IL36B: variants seen among roughly 807,000 people sequenced by gnomAD.
The protein encoded by IL36B is interleukin-36 beta.
Under a neutral mutation model 19.3 loss-of-function variants are expected in IL36B, and 23 were observed. The ratio of observed to expected loss-of-function variants is 1.19; its 90% CI spans 0.86 to 1.69. The LOEUF is 1.69. Ranked by LOEUF, IL36B falls within the 40% of genes most tolerant of loss-of-function variation. IL36B has a pLI of 0.00. For synonymous variants in IL36B, 59 were observed against 59.7 expected, an observed-to-expected ratio of 0.99 and a Z score of 0.05; for missense variants, 217 against 200.5, an observed-to-expected ratio of 1.08 and a Z score of -0.50.
chr2:113,051,090 C>G (rs1172527621), intron 1 of IL36B, among the ~76,000 whole-genome samples: 2 of 152,342 alleles, frequency 1.3e-5, no homozygotes, highest in African/African-American at 2.4e-5. Context: ...GCCTCCCGAC[C>G]TAGCCTGGTG....
chr2:113,022,646 A>C lies in IL36B; in HGVS notation c.*28T>G, dbSNP rs989181285. ...GATAGCAAACCCACTCAAAGATTGT[A>C]GAGATGGGAATCTTCCTCCCCTTAT... On this transcript the variant is annotated 3_prime_UTR_variant, in exon 6 of 6. Transcript: ENST00000259213. The C allele has an allele frequency of 9.7e-6, 13 of 1,346,270 alleles. No homozygotes were observed. Among genetic ancestry groups the C allele is most frequent in the Non-Finnish European group, 1.4e-5 (13 of 936,402 alleles). 83.4% of individuals were successfully genotyped at this position (1,346,270 alleles called of 1,614,324 possible). A position where few individuals can be genotyped will look rare whatever the true frequency, so the allele number is the denominator to read the frequency against.
rs768566366 is a variant in IL36B at position 113,028,923 on chromosome 2, C to A, written c.261+16G>T. On this transcript the variant is annotated intron_variant, in intron 4 of 5. Transcript: ENST00000259213. ...CATATGACAGTACTTCTCTCGTTAG[C>A]TGCACAATCACTCACCTTAAGCTGC... 6.2e-7 allele frequency: 1 copy of A among 1,611,416 alleles called. No individual in the cohort carries two copies. Among genetic ancestry groups the A allele is most frequent in the Non-Finnish European group, 8.5e-7 (1 of 1,178,900 alleles).
chr2:113,027,755 G>A (rs1042466735), intron 4 of IL36B: 6 of 1,450,642 alleles, frequency 4.1e-6, no homozygotes, highest in Non-Finnish European at 5.4e-6. Flanking sequence ...GATGTTTGGA[G>A]GAGGAGGTGG....
chr2:113,030,679 T>C (rs760849171), intron 3 of IL36B, among the ~76,000 whole-genome samples: 11 of 152,186 alleles, frequency 7.2e-5, no homozygotes, highest in Non-Finnish European at 1.6e-4. Context: ...CTTAGAAAGC[T>C]GTGTAGGTTT....
In IL36B at chr2:113,026,200, G is replaced by GTCCT; in HGVS notation, c.290_293dup (p.Asp98GlufsTer28). ...GAATTCCAACTAGTTTCCAGCAAGT[G>GTCCT]TCCTTCCCTATGTTATCTTGGGAGC... On this transcript the variant is annotated frameshift_variant, in exon 5 of 6. Coordinates refer to ENST00000259213, the MANE Select transcript of IL36B (RefSeq NM_014438.5). LOFTEE classifies it high-confidence loss of function. The GTCCT allele has an allele frequency of 6.2e-7, 1 of 1,613,870 alleles. No individual in the cohort carries two copies. Among genetic ancestry groups the GTCCT allele is most frequent in the Non-Finnish European group, 8.5e-7 (1 of 1,179,832 alleles).
At chr2:113,046,481 T>G (rs979883081) in intron 1 of IL36B, among the ~76,000 whole-genome samples, 7 of 152,330 alleles carry the variant, frequency 4.6e-5, no homozygotes, top group Middle Eastern at 3.4e-3. Context: ...GTGTTGGGAT[T>G]ACAGGCGTGA....
intron 5 of IL36B, among the ~76,000 whole-genome samples, chr2:113,024,357 G>A (rs1475631519): frequency 2.6e-5 from 4 of 152,272 alleles, no homozygotes; most frequent in Middle Eastern, 6.8e-3. Context: ...TCCATTTATC[G>A]ATATTCTATT....
chr2:113,027,892 C>T, intron 4 of IL36B: 1 of 1,613,810 alleles, frequency 6.2e-7, no homozygotes, highest in East Asian at 2.2e-5. Flanking sequence ...CACCCACAGC[C>T]TAGGCTGGAT....
intron 1 of IL36B, among the ~76,000 whole-genome samples, chr2:113,045,922 C>A (rs1558837264): frequency 6.6e-6 from 1 of 151,986 alleles, no homozygotes; most frequent in Admixed American, 6.6e-5. Flanking sequence ...TCTGGGTTGG[C>A]TTTGATTAAT....
rs35354222 is a variant in IL36B at position 113,037,606 on chromosome 2, G to A, written c.-57-5840C>T. On this transcript the variant is annotated intron_variant, in intron 1 of 5. Transcript: ENST00000259213. ...GGAGGTTGCGGTGAGCTGAAATCAC[G>A]CCACTGCACTCCAACCTGGGCAACA... 6.9e-3 allele frequency among the ~76,000 whole-genome samples: 1,045 copies of A among 151,002 alleles called. 17 individuals carry two copies. Among genetic ancestry groups the A allele is most frequent in the African/African-American group, 0.024 (991 of 40,910 alleles).
intron 1 of IL36B, among the ~76,000 whole-genome samples, chr2:113,037,436 G>A (rs1685183623): frequency 6.6e-6 from 1 of 152,260 alleles, no homozygotes; most frequent in Non-Finnish European, 1.5e-5. Flanking sequence ...GATCACCTGA[G>A]GTTGGGAGTT....
rs774855621 is a variant in IL36B at position 113,028,957 on chromosome 2, C to T, written c.243G>A (p.Lys81=). The T allele has an allele frequency of 6.8e-6, 11 of 1,613,948 alleles. No homozygotes were observed. The highest frequency in any genetic ancestry group is 6.7e-5 in the East Asian group (3 of 44,894). Residue 81 remains lysine, a synonymous_variant, in exon 4 of 6, where the codon AAG becomes AAA. Transcript: ENST00000259213. Reference sequence around the variant, plus strand: ...CACTCACCTTAAGCTGCAAAGTAGGCTTGCCCTGAATTTCTGCACAGAAGA... The same window carrying T: ...CACTCACCTTAAGCTGCAAAGTAGGTTTGCCCTGAATTTCTGCACAGAAGA...
At chr2:113,045,947 T>G (rs1008602901) in intron 1 of IL36B, among the ~76,000 whole-genome samples, 1 of 152,210 alleles carries the variant, frequency 6.6e-6, no homozygotes, top group South Asian at 2.1e-4. Flanking sequence ...CTCCTCATAC[T>G]GTGTCTGAAT....
At chr2:113,050,107 T>C (rs1186601690) in intron 1 of IL36B, among the ~76,000 whole-genome samples, 1 of 152,198 alleles carries the variant, frequency 6.6e-6, no homozygotes, top group Non-Finnish European at 1.5e-5. Context: ...CACCTCTGGG[T>C]ATATTCACAA....
intron 1 of IL36B, among the ~76,000 whole-genome samples, chr2:113,033,566 T>C (rs1343330422): frequency 6.6e-6 from 1 of 152,186 alleles, no homozygotes; most frequent in Non-Finnish European, 1.5e-5. Context: ...GGGCCATTAA[T>C]TTTATTTCTC....
At chr2:113,025,913 G>A (rs540509821) in intron 5 of IL36B, among the ~76,000 whole-genome samples, 6 of 152,286 alleles carry the variant, frequency 3.9e-5, no homozygotes, top group African/African-American at 1.4e-4. Context: ...TGACCCTAGG[G>A]AACATGAGAA....
At chr2:113,028,037 T>A (rs761909761) in intron 4 of IL36B, 1 of 1,614,170 alleles carries the variant, frequency 6.2e-7, no homozygotes, top group South Asian at 1.1e-5. Flanking sequence ...AAGACAGAAG[T>A]GGAGCCTTCT....
chr2:113,026,896 A>G (rs1389795733), intron 4 of IL36B, among the ~76,000 whole-genome samples: 1 of 152,218 alleles, frequency 6.6e-6, no homozygotes, highest in African/African-American at 2.4e-5. Flanking sequence ...TTAGCAATTG[A>G]TCTTAACCAA....
chr2:113,047,004 G>A (rs1685361821), intron 1 of IL36B, among the ~76,000 whole-genome samples: 1 of 152,126 alleles, frequency 6.6e-6, no homozygotes. Context: ...AGATTAGTCT[G>A]TCTTATTTAT....
Sources: gnomAD v4.1 joint callset for allele counts (sites outside exome capture counted in the v4.1 genomes callset) on GRCh38, gnomAD v4.1.1 for gene constraint, MANE v1.5 for transcripts, NCBI Gene and HGNC (gene_info 2026-07-23, HGNC 2026-07-21) for gene names.